The following MGAT4C variants were observed in gnomAD, a reference collection of about 807,000 sequenced individuals.
The protein encoded by MGAT4C is alpha-1,3-mannosyl-glycoprotein 4-beta-N-acetylglucosaminyltransferase C.
A neutral mutation model predicts 40.1 loss-of-function variants in MGAT4C; 19 were observed. The ratio of observed to expected loss-of-function variants is 0.47; its 90% CI spans 0.33 to 0.70. The LOEUF (loss-of-function observed/expected upper bound fraction) is 0.70, where lower values mean the gene tolerates loss of function less well. MGAT4C is among the 30% of genes least tolerant of loss of function. The pLI, the probability that MGAT4C is intolerant of heterozygous loss-of-function variation, is 0.02. For synonymous variants in MGAT4C, 181 were observed against 187.1 expected, an observed-to-expected ratio of 0.97 and a Z score of 0.27; for missense variants, 491 against 563.2, an observed-to-expected ratio of 0.87 and a Z score of 1.30.
At chr12:86,409,009 G>A (rs1271560340) in intron 3 of MGAT4C, among the ~76,000 whole-genome samples, 1 of 152,082 alleles carries the variant, frequency 6.6e-6, no homozygotes, top group Non-Finnish European at 1.5e-5. Flanking sequence ...CAGAGTGTGT[G>A]TTGGTTGGGC....
chr12:86,771,628 C>T (rs1247272701), intron 1 of MGAT4C, among the ~76,000 whole-genome samples: 1 of 151,482 alleles, frequency 6.6e-6, no homozygotes, highest in East Asian at 1.9e-4. Context: ...GGGAGGATTA[C>T]TTGAAGCCAG....
intron 4 of MGAT4C, among the ~76,000 whole-genome samples, chr12:86,314,226 T>C (rs1369084694): frequency 6.6e-6 from 1 of 152,170 alleles, no homozygotes; most frequent in African/African-American, 2.4e-5. Flanking sequence ...CATCACAGAA[T>C]TGATTTGATA....
intron 4 of MGAT4C, among the ~76,000 whole-genome samples, chr12:86,313,610 T>G (rs1187394916): frequency 6.6e-6 from 1 of 152,164 alleles, no homozygotes; most frequent in Non-Finnish European, 1.5e-5. Context: ...AAATTTTAAT[T>G]ACTCTCTCAC....
At chr12:86,520,652 C>A (rs2136358801) in intron 2 of MGAT4C, among the ~76,000 whole-genome samples, 1 of 152,190 alleles carries the variant, frequency 6.6e-6, no homozygotes, top group African/African-American at 2.4e-5. Context: ...AATTACCAAC[C>A]ACTGTCTTCC....
At chr12:86,291,122 G>A (rs1343239928) in intron 4 of MGAT4C, among the ~76,000 whole-genome samples, 1 of 152,138 alleles carries the variant, frequency 6.6e-6, no homozygotes, top group Admixed American at 6.5e-5. Context: ...GATACAAAGA[G>A]GCATGACAGC....
At chr12:86,147,245 A>AT (rs1464494129) in intron 1 of MGAT4C, among the ~76,000 whole-genome samples, 102 of 151,246 alleles carry the variant, frequency 6.7e-4, no homozygotes, top group African/African-American at 2.4e-3. Context: ...AAATTTATTA[A>AT]ATTTTTTTTT....
intron 4 of MGAT4C, among the ~76,000 whole-genome samples, chr12:85,981,095 T>C (rs1884548698): frequency 6.6e-6 from 1 of 152,168 alleles, no homozygotes; most frequent in South Asian, 2.1e-4. Context: ...CAAAAAACTT[T>C]AATGCTACAT....
At chr12:86,709,816 T>C (rs1419702954) in intron 2 of MGAT4C, among the ~76,000 whole-genome samples, 2 of 151,666 alleles carry the variant, frequency 1.3e-5, no homozygotes, top group Non-Finnish European at 2.9e-5. Flanking sequence ...GAGATAGTTT[T>C]CTTGTTTTTT....
chr12:86,771,304 AT>A (rs1308206442), intron 1 of MGAT4C, among the ~76,000 whole-genome samples: 3 of 152,122 alleles, frequency 2.0e-5, no homozygotes, highest in Non-Finnish European at 2.9e-5. Context: ...ACTAATACAG[AT>A]TTTGGTACTG....
Position 85,962,638 on chromosome 12 carries a change from T to C in MGAT4C, c.*16651A>G, listed in dbSNP as rs1249724174. The C allele has an allele frequency of 1.3e-5, 2 of 150,996 alleles. No individual in the cohort carries two copies. The highest frequency in any genetic ancestry group is 3.0e-5 in the Non-Finnish European group (2 of 67,488). The allele number at this position is 150,996 out of a possible 1,614,324, so 9.4% of individuals were successfully genotyped here. A position where few individuals can be genotyped will look rare whatever the true frequency, so the allele number is the denominator to read the frequency against. On this transcript the variant is annotated 3_prime_UTR_variant, in exon 5 of 5. Coordinates refer to ENST00000611864, the MANE Select transcript of MGAT4C (RefSeq NM_001351288.2). ...GAGTGAAGGATGTAGATTGTTTAAG[T>C]ACATTCAACTTGTAATGAACTGTAA... is the stretch of plus-strand genomic sequence containing the variant.
At chr12:86,815,915 G>A (rs1392317216) in intron 1 of MGAT4C, among the ~76,000 whole-genome samples, 2 of 151,714 alleles carry the variant, frequency 1.3e-5, no homozygotes, top group Non-Finnish European at 2.9e-5. Context: ...CTTAGGCGAT[G>A]GGTGCAGCAA....
intron 2 of MGAT4C, among the ~76,000 whole-genome samples, chr12:86,516,679 A>G (rs1958694270): frequency 6.6e-6 from 1 of 152,198 alleles, no homozygotes; most frequent in Admixed American, 6.5e-5. Context: ...AAGTAAAACA[A>G]CAAGCCACAA....
intron 4 of MGAT4C, among the ~76,000 whole-genome samples, chr12:86,269,805 T>G (rs1242413593): frequency 6.6e-6 from 1 of 152,162 alleles, no homozygotes; most frequent in Non-Finnish European, 1.5e-5. Flanking sequence ...GTTATTTTGT[T>G]GATATTTTTG....
At chr12:86,832,770 C>T (rs552177934) in intron 1 of MGAT4C, among the ~76,000 whole-genome samples, 5 of 151,842 alleles carry the variant, frequency 3.3e-5, no homozygotes, top group East Asian at 1.9e-4. Context: ...ACTTATGCTA[C>T]GTAATCATGG....
At chr12:86,223,672 G>A (rs1054861282) in intron 1 of MGAT4C, among the ~76,000 whole-genome samples, 3 of 152,152 alleles carry the variant, frequency 2.0e-5, no homozygotes, top group Non-Finnish European at 4.4e-5. Flanking sequence ...CTGTGGCCTA[G>A]TCCTGTTCAC....
chr12:85,967,899 C>T lies in MGAT4C; in HGVS notation c.*11390G>A, dbSNP rs961008516. ...TGACTCAAATAGCTATCTCAAGTTT[C>T]GTACACTTTTTAGATCTCTATGTAA... is the stretch of plus-strand genomic sequence containing the variant. On this transcript the variant is annotated 3_prime_UTR_variant, in exon 5 of 5. Transcript: ENST00000611864. 5.3e-5 allele frequency: 8 copies of T among 151,948 alleles called. No individual in the cohort carries two copies. Among genetic ancestry groups the T allele is most frequent in the African/African-American group, 1.4e-4 (6 of 41,416 alleles). The allele number at this position is 151,948 out of a possible 1,614,324, so 9.4% of individuals were successfully genotyped here. A position where few individuals can be genotyped will look rare whatever the true frequency, so the allele number is the denominator to read the frequency against.
chr12:86,718,141 C>T (rs552360630), intron 2 of MGAT4C, among the ~76,000 whole-genome samples: 139 of 152,130 alleles, frequency 9.1e-4, no homozygotes, highest in Non-Finnish European at 1.8e-3. Context: ...AACAAAATTG[C>T]CGGGCTTTAA....
At chr12:86,455,653 T>C (rs1957497187) in intron 2 of MGAT4C, among the ~76,000 whole-genome samples, 1 of 152,122 alleles carries the variant, frequency 6.6e-6, no homozygotes, top group Non-Finnish European at 1.5e-5. Flanking sequence ...TCTTAATATG[T>C]GTTCAAATAA....
chr12:86,432,578 G>C (rs1040643170), intron 3 of MGAT4C, among the ~76,000 whole-genome samples: 3 of 152,028 alleles, frequency 2.0e-5, no homozygotes, highest in Non-Finnish European at 4.4e-5. Flanking sequence ...AAGAAGTGCA[G>C]TGTGAGGGCA....
Sources: gnomAD v4.1 joint callset for allele counts (sites outside exome capture counted in the v4.1 genomes callset) on GRCh38, gnomAD v4.1.1 for gene constraint, MANE v1.5 for transcripts, NCBI Gene and HGNC (gene_info 2026-07-23, HGNC 2026-07-21) for gene names.